Variants in NKAIN3 observed in about 807,000 individuals in gnomAD.
NKAIN3 encodes the protein sodium/potassium-transporting ATPase subunit beta-1-interacting protein 3.
In NKAIN3, 25 loss-of-function variants were observed where a neutral mutation model predicts 30.2. That is an observed-to-expected ratio of 0.83 (90% CI 0.60 to 1.16). The LOEUF is 1.16. Among genes scored for constraint, NKAIN3 ranks in the 50% most tolerant of loss-of-function variants. The probability of loss-of-function intolerance (pLI) is 0.00; values close to 1 mark genes in which losing one functional copy is unlikely to be tolerated. For synonymous variants in NKAIN3, 91 were observed against 89.6 expected (o/e 1.02, Z -0.09); for missense variants, 225 against 254.1 (o/e 0.89, Z 0.78).
chr8:62,707,693 A>T (rs1187388635), intron 3 of NKAIN3, among the ~76,000 whole-genome samples: 1 of 152,004 alleles, frequency 6.6e-6, no homozygotes, highest in African/African-American at 2.4e-5. Flanking sequence ...AACTCTGCCG[A>T]CTGTTCCTTT....
intron 1 of NKAIN3, among the ~76,000 whole-genome samples, chr8:62,253,900 G>A (rs1812186759): frequency 6.6e-6 from 1 of 152,070 alleles, no homozygotes. Context: ...CTTTGACATG[G>A]TTTTAATAGT....
intron 4 of NKAIN3, among the ~76,000 whole-genome samples, chr8:62,858,030 T>G (rs936653652): frequency 4.4e-5 from 2 of 45,236 alleles, no homozygotes; most frequent in African/African-American, 2.6e-4. Context: ...CTCACAGGGA[T>G]TTTTTCTTGT....
intron 1 of NKAIN3, among the ~76,000 whole-genome samples, chr8:62,431,422 G>A (rs1012915599): frequency 2.6e-5 from 4 of 151,576 alleles, no homozygotes; most frequent in Non-Finnish European, 5.9e-5. Flanking sequence ...TTTTCTGTTA[G>A]CCATTTTTTC....
intron 4 of NKAIN3, among the ~76,000 whole-genome samples, chr8:62,770,482 C>T (rs1314381744): frequency 6.6e-6 from 1 of 152,178 alleles, no homozygotes; most frequent in African/African-American, 2.4e-5. Flanking sequence ...TGGGGGCCTA[C>T]TTCCTAAATT....
rs1430985666 is a variant in NKAIN3 at position 62,918,577 on chromosome 8, T to A, written c.532+64T>A. 4 of 1,037,062 alleles carry A rather than the reference T, an allele frequency of 3.9e-6. No individual in the cohort carries two copies. The East Asian group carries it at 9.5e-5, about 25-fold the overall frequency. 64.2% of individuals were successfully genotyped at this position (1,037,062 alleles called of 1,614,324 possible). Reference sequence around the variant, plus strand: ...AATGAGATACAGCTTCCAAAACTAATCATTACAGGGCTATGAAATGAAATC... The same window carrying A: ...AATGAGATACAGCTTCCAAAACTAAACATTACAGGGCTATGAAATGAAATC... On this transcript the variant is annotated intron_variant, in intron 5 of 6. Coordinates refer to ENST00000623646, the MANE Select transcript of NKAIN3 (RefSeq NM_001304533.3).
At chr8:62,817,728 C>G (rs1818727306) in intron 4 of NKAIN3, among the ~76,000 whole-genome samples, 1 of 152,126 alleles carries the variant, frequency 6.6e-6, no homozygotes, top group African/African-American at 2.4e-5. Flanking sequence ...AAGAAAAGTG[C>G]CTCTACCTCA....
chr8:62,886,549 A>G (rs931703321), intron 4 of NKAIN3, among the ~76,000 whole-genome samples: 1 of 152,090 alleles, frequency 6.6e-6, no homozygotes, highest in Non-Finnish European at 1.5e-5. Flanking sequence ...AATTATCTCA[A>G]TTTTTTATTT....
At chr8:62,541,711 C>A (rs1260351434) in intron 1 of NKAIN3, among the ~76,000 whole-genome samples, 3 of 151,500 alleles carry the variant, frequency 2.0e-5, no homozygotes, top group Non-Finnish European at 4.4e-5. Context: ...CATCTATTAT[C>A]TTTTAAATTT....
intron 1 of NKAIN3, among the ~76,000 whole-genome samples, chr8:62,291,835 A>T (rs1250666374): frequency 1.3e-5 from 2 of 151,894 alleles, no homozygotes; most frequent in East Asian, 3.9e-4. Flanking sequence ...TGACCGTGGG[A>T]TGTGAAAGTC....
At chr8:62,639,800 T>A (rs954590225) in intron 3 of NKAIN3, among the ~76,000 whole-genome samples, 21 of 151,862 alleles carry the variant, frequency 1.4e-4, no homozygotes, top group African/African-American at 5.1e-4. Flanking sequence ...GTGAAGTGGT[T>A]TTTTTCTGAT....
chr8:62,560,308 G>A (rs1053166222), intron 1 of NKAIN3, among the ~76,000 whole-genome samples: 1 of 151,832 alleles, frequency 6.6e-6, no homozygotes, highest in African/African-American at 2.4e-5. Flanking sequence ...TATTTCTCTT[G>A]CTAAATTTGG....
chr8:62,587,251 A>G (rs1476305429), intron 2 of NKAIN3, among the ~76,000 whole-genome samples: 1 of 151,992 alleles, frequency 6.6e-6, no homozygotes, highest in Non-Finnish European at 1.5e-5. Context: ...ACAATTCAAA[A>G]ATCAAAAATA....
intron 1 of NKAIN3, among the ~76,000 whole-genome samples, chr8:62,400,786 A>T (rs185532123): frequency 1.3e-4 from 20 of 151,484 alleles, no homozygotes; most frequent in African/African-American, 4.8e-4. Context: ...CCGCTGCCAC[A>T]TGTATTGGAG....
intron 2 of NKAIN3, 68 bp downstream of exon 2, chr8:62,579,744 A>C (rs946121378): frequency 3.1e-6 from 3 of 963,284 alleles, no homozygotes; most frequent in Admixed American, 3.9e-5. Flanking sequence ...TATAAATAAA[A>C]TATTTCTAAG....
At chr8:62,864,171 T>C (rs939850533) in intron 4 of NKAIN3, 8 of 635,478 alleles carry the variant, frequency 1.3e-5, no homozygotes, top group Non-Finnish European at 2.2e-5. Context: ...TTTCACTTGC[T>C]CAACCGACCG....
chr8:62,471,601 T>C (rs568481575), intron 1 of NKAIN3, among the ~76,000 whole-genome samples: 3 of 152,268 alleles, frequency 2.0e-5, no homozygotes, highest in South Asian at 2.1e-4. Context: ...TGAAAAGATA[T>C]CAAATTTCAG....
At chr8:62,597,188 C>T (rs1397917899) in intron 3 of NKAIN3, among the ~76,000 whole-genome samples, 24 of 152,056 alleles carry the variant, frequency 1.6e-4, no homozygotes, top group Admixed American at 1.6e-3. Flanking sequence ...AGAGCTATTC[C>T]TGTTTCTTCT....
chr8:62,901,304 A>C (rs1563619226), intron 4 of NKAIN3, among the ~76,000 whole-genome samples: 1 of 152,148 alleles, frequency 6.6e-6, no homozygotes, highest in East Asian at 1.9e-4. Context: ...TCAGTAACAA[A>C]AGATGGTACT....
At chr8:62,454,797 A>C (rs1805762892) in intron 1 of NKAIN3, among the ~76,000 whole-genome samples, 1 of 152,258 alleles carries the variant, frequency 6.6e-6, no homozygotes, top group South Asian at 2.1e-4. Flanking sequence ...ATACTATTGA[A>C]TAAATAAAAC....
Sources: gnomAD v4.1 joint callset for allele counts (sites outside exome capture counted in the v4.1 genomes callset) on GRCh38, gnomAD v4.1.1 for gene constraint, MANE v1.5 for transcripts, NCBI Gene and HGNC (gene_info 2026-07-23, HGNC 2026-07-21) for gene names.